Variants in ECE1 observed in about 807,000 individuals in gnomAD.
ECE1 encodes the protein endothelin-converting enzyme 1.
Under a neutral mutation model 98.6 loss-of-function variants are expected in ECE1, and 35 were observed. The ratio of observed to expected loss-of-function variants is 0.35; its 90% CI spans 0.27 to 0.47. ECE1 has a LOEUF of 0.47. Ranked by LOEUF, ECE1 falls within the 20% of genes least tolerant of loss-of-function variation. The pLI, the probability that ECE1 is intolerant of heterozygous loss-of-function variation, is 1.00. For synonymous variants in ECE1, 394 were observed against 407.1 expected (o/e 0.97, Z 0.39); for missense variants, 814 against 1,025.3 (o/e 0.79, Z 2.81).
In ECE1 at chr1:21,312,052, G is replaced by A. The variant is rs184264553; in HGVS notation, c.4-21896C>T. On this transcript the variant is annotated intron_variant, in intron 1 of 18. Coordinates refer to the ECE1 transcript ENST00000415912. ...GCACAAGAATTGCTTGAACCCAGGA[G>A]GCGGAGGTTGCAGTGAACTGAGATC... Among the ~76,000 whole-genome samples, 472 of 151,050 alleles carry A rather than the reference G, an allele frequency of 3.1e-3. 1 individual carries two copies. Among genetic ancestry groups the A allele is most frequent in the Non-Finnish European group, 5.4e-3 (364 of 67,822 alleles).
In ECE1 at chr1:21,272,850, G is replaced by A. The variant is rs1317801076; in HGVS notation, c.342C>T (p.Ser114=). 3 of 1,614,144 alleles carry A rather than the reference G, an allele frequency of 1.9e-6. No individual in the cohort carries two copies. Among genetic ancestry groups the A allele is most frequent in the Non-Finnish European group, 2.5e-6 (3 of 1,180,056 alleles). The stretch of plus-strand genomic sequence containing the variant: ...GGCAGGGGTCCACTGTGGGGTCCAT[G>A]GAGCTCAAGATGGAGCTGGTCACTG... The part of the protein sequence containing the change: ...CVSVTSSILS[S]MDPTVDPCHD... Residue 114 remains serine (S), a synonymous_variant, in exon 4 of 19, where the codon TCC becomes TCT. Transcript: ENST00000374893.
intron 1 of ECE1, among the ~76,000 whole-genome samples, chr1:21,321,847 C>T (rs1385048146): frequency 2.6e-5 from 4 of 152,198 alleles, no homozygotes; most frequent in Non-Finnish European, 5.9e-5. Context: ...AACTCCTGAC[C>T]TCAAGTGATC....
intron 4 of ECE1, among the ~76,000 whole-genome samples, chr1:21,261,642 A>G (rs540257376): frequency 3.1e-4 from 47 of 152,314 alleles, no homozygotes; most frequent in African/African-American, 1.1e-3. Flanking sequence ...TTATGCCTAT[A>G]AAATTCAGAG....
At position 21,322,460 on chromosome 1, in the gene ECE1, AG is replaced by A. The variant is rs2103403694; in HGVS notation, c.3+22915del. On this transcript the variant is annotated intron_variant, in intron 1 of 18. Coordinates refer to the ECE1 transcript ENST00000415912. This position sits in a 1 kb window ranked among gnomAD's most constrained non-coding sequence, Gnocchi z 4.1. ...CACCAGTGGGTTCTTTGGGGGCAGG[AG>A]AGCAACCAGCCCTTCTCACCTGGCC... Among the ~76,000 whole-genome samples the A allele has an allele frequency of 6.6e-6, 1 of 152,320 alleles. No homozygotes were observed. The highest frequency in any genetic ancestry group is 2.4e-5 in the African/African-American group (1 of 41,584).
rs28367999 is a variant in ECE1, at chr1:21,246,806, C to T, written c.1163+415G>A. ...CTCTCAAGGAGCTGGGTGACAGGCA[C>T]GCGACACCATGTCTGGCTAATTTTT... On this transcript the variant is annotated intron_variant, in intron 9 of 18. Transcript: ENST00000374893. Among the ~76,000 whole-genome samples the T allele has an allele frequency of 6.9e-3, 1,057 of 152,184 alleles. 10 individuals carry two copies. The highest frequency in any genetic ancestry group is 0.024 in the African/African-American group (1,004 of 41,524).
chr1:21,223,028 G>A (rs1195000527), intron 17 of ECE1, among the ~76,000 whole-genome samples: 2 of 151,784 alleles, frequency 1.3e-5, no homozygotes, highest in Non-Finnish European at 1.5e-5. Flanking sequence ...AGGCTGGAGT[G>A]CACTGGCACA....
chr1:21,312,264 C>T (rs1488439808), intron 1 of ECE1, among the ~76,000 whole-genome samples: 1 of 147,228 alleles, frequency 6.8e-6, no homozygotes, highest in African/African-American at 2.5e-5. Flanking sequence ...AATGCAAAAC[C>T]TTGTCTCTAC....
intron 2 of ECE1, 42 bp from the exon 3 acceptor site, chr1:21,279,374 C>T: frequency 6.2e-7 from 1 of 1,613,720 alleles, no homozygotes; most frequent in African/African-American, 1.3e-5. Flanking sequence ...GACGTGAGCC[C>T]CGGGCCCCGC....
intron 1 of ECE1, among the ~76,000 whole-genome samples, chr1:21,295,587 G>A (rs1288959362): frequency 6.6e-6 from 1 of 152,180 alleles, no homozygotes; most frequent in Non-Finnish European, 1.5e-5. Context: ...GAATCAGCTT[G>A]TATCTCTTTT....
intron 2 of ECE1, among the ~76,000 whole-genome samples, chr1:21,281,190 G>T (rs566511937): frequency 8.2e-5 from 12 of 145,974 alleles, no homozygotes; most frequent in African/African-American, 3.2e-4. Context: ...ACTCCGTCTC[G>T]GAAAACAAAA....
chr1:21,300,988 T>C (rs1386404121), intron 1 of ECE1, among the ~76,000 whole-genome samples: 1 of 152,142 alleles, frequency 6.6e-6, no homozygotes, highest in Non-Finnish European at 1.5e-5. Flanking sequence ...GCAAACTTGC[T>C]CCCTAGCACT....
intron 1 of ECE1, among the ~76,000 whole-genome samples, chr1:21,318,959 T>G (rs1253084489): frequency 1.3e-5 from 2 of 152,178 alleles, no homozygotes; most frequent in Non-Finnish European, 2.9e-5. Context: ...TTCCGTAAAC[T>G]CACCCTCCCA....
intron 2 of ECE1, among the ~76,000 whole-genome samples, chr1:21,283,964 C>A (rs772828584): frequency 6.6e-6 from 1 of 152,144 alleles, no homozygotes; most frequent in African/African-American, 2.4e-5. Context: ...AATCCAGATG[C>A]CTCACCCTGG....
Position 21,319,086 on chromosome 1 carries a change from C to T in ECE1, c.3+26290G>A, listed in dbSNP as rs1298569367. 2.0e-5 allele frequency among the ~76,000 whole-genome samples: 3 copies of T among 152,132 alleles called. No homozygotes were observed. The highest frequency in any genetic ancestry group is 1.9e-4 in the East Asian group (1 of 5,192). On this transcript the variant is annotated intron_variant, in intron 1 of 18. Coordinates refer to the ECE1 transcript ENST00000415912. This position sits in a 1 kb window ranked among gnomAD's most constrained non-coding sequence, Gnocchi z 4.4. ...GAGGCCAGGCACGGTGGCTCAAGCT[C>T]GTAATCCAAGCACTTTGGGAAGCCA...
rs573186102 is a variant in ECE1 at position 21,319,896 on chromosome 1, C to T, written c.3+25480G>A. 4.6e-5 allele frequency among the ~76,000 whole-genome samples: 7 copies of T among 152,294 alleles called. No individual in the cohort carries two copies. In the South Asian group the frequency reaches 1.0e-3, roughly 23 times the overall value. On this transcript the variant is annotated intron_variant, in intron 1 of 18. Coordinates refer to the ECE1 transcript ENST00000415912. This position sits in a 1 kb window ranked among gnomAD's most constrained non-coding sequence, Gnocchi z 4.4. ...CAGGCTGTCTTGAGTCCACAGGTGT[C>T]CCCACCCCACTCCAGATCTTCTGTT...
intron 7 of ECE1, chr1:21,256,784 C>T (rs1196458567): frequency 6.5e-6 from 1 of 154,030 alleles, no homozygotes; most frequent in African/African-American, 2.4e-5. Flanking sequence ...GTTCCAAGAT[C>T]TGAATTAGGT....
Position 21,238,429 on chromosome 1 carries a change from C to A in ECE1, c.1279-185G>T, listed in dbSNP as rs556654932. On this transcript the variant is annotated intron_variant, in intron 10 of 18. Transcript: ENST00000374893. ...GCCACTGATACCCTCACTCCCACCC[C>A]CTGCCATTTCCTGAATGCCAGGCTC... 4.3e-4 allele frequency: 278 copies of A among 641,530 alleles called. 1 individual carries two copies. The African/African-American group carries it at 4.4e-3, about 10-fold the overall frequency. The allele number at this position is 641,530 out of a possible 1,614,324, so 39.7% of individuals were successfully genotyped here.
intron 8 of ECE1, among the ~76,000 whole-genome samples, chr1:21,254,338 C>T (rs2098217165): frequency 6.6e-6 from 1 of 152,116 alleles, no homozygotes; most frequent in African/African-American, 2.4e-5. Flanking sequence ...GCTTATAATC[C>T]CAGCACTTAG....
intron 8 of ECE1, among the ~76,000 whole-genome samples, chr1:21,248,513 G>A (rs769067775): frequency 9.2e-5 from 14 of 151,972 alleles, no homozygotes; most frequent in South Asian, 2.1e-4. Flanking sequence ...ATGAGCGCTC[G>A]CGCCTGGGGC....
Sources: allele counts gnomAD v4.1 joint callset (sites outside exome capture counted in the v4.1 genomes callset), GRCh38; gene constraint gnomAD v4.1.1; non-coding constraint Gnocchi (gnomAD v3.1); transcripts MANE v1.5; gene names NCBI Gene and HGNC (gene_info 2026-07-23, HGNC 2026-07-21).